Variants in DDAH1 observed in about 807,000 individuals in gnomAD.
The protein encoded by DDAH1 is dimethylarginine dimethylaminohydrolase 1.
In DDAH1, 19 loss-of-function variants were observed where a neutral mutation model predicts 28.8. The ratio of observed to expected loss-of-function variants is 0.66; its 90% CI spans 0.46 to 0.97. The LOEUF (loss-of-function observed/expected upper bound fraction) is 0.97. Among genes scored for constraint, DDAH1 ranks in the 50% least tolerant of loss-of-function variants. DDAH1 has a pLI of 0.00. For missense variants in DDAH1, 326 were observed against 375.9 expected (o/e 0.87, Z 1.10); for synonymous variants, 153 against 154.4 (o/e 0.99, Z 0.07).
chr1:85,464,504 G>C lies in DDAH1; in HGVS notation c.303+239C>G. The C allele has an allele frequency of 6.6e-7, 1 of 1,525,028 alleles. No individual in the cohort carries two copies. The highest frequency in any genetic ancestry group is 8.8e-7 in the Non-Finnish European group (1 of 1,140,538). The allele number at this position is 1,525,028 out of a possible 1,614,324, so 94.5% of individuals were successfully genotyped here. ...ATCCCCCGCCCACCCACCTGCCCGAGACCGTACAACCACATTGAATCGGAT... is the reference window on the plus strand; with the variant it reads ...ATCCCCCGCCCACCCACCTGCCCGACACCGTACAACCACATTGAATCGGAT... On this transcript the variant is annotated intron_variant, in intron 1 of 5. Coordinates refer to ENST00000284031, the MANE Select transcript of DDAH1 (RefSeq NM_012137.4). This position sits in a 1 kb window ranked among gnomAD's most constrained non-coding sequence, Gnocchi z 4.4.
chr1:85,475,028 C>G lies in DDAH1; in HGVS notation c.-7+21138G>C, dbSNP rs56099346. 6.2e-3 allele frequency among the ~76,000 whole-genome samples: 947 copies of G among 152,230 alleles called. 4 individuals are homozygous for G. Among genetic ancestry groups the G allele is most frequent in the African/African-American group, 0.022 (911 of 41,532 alleles). On this transcript the variant is annotated intron_variant, in intron 2 of 6. Coordinates refer to the DDAH1 transcript ENST00000426972. ...CAATCTTACATAGTTATTATGAGGA[C>G]TAAATTAAATTAACTTAGACAACAT...
At chr1:85,452,623 C>A (rs1207438842) in intron 1 of DDAH1, among the ~76,000 whole-genome samples, 5 of 151,814 alleles carry the variant, frequency 3.3e-5, no homozygotes, top group Non-Finnish European at 5.9e-5. Flanking sequence ...ACCATCTAGA[C>A]CTAGAGTAAA....
intron 1 of DDAH1, among the ~76,000 whole-genome samples, chr1:85,435,721 C>T (rs758178662): frequency 6.6e-6 from 1 of 152,114 alleles, no homozygotes; most frequent in Non-Finnish European, 1.5e-5. Flanking sequence ...GGGAGTTAGC[C>T]TAGAACAGAA....
intron 1 of DDAH1, among the ~76,000 whole-genome samples, chr1:85,507,710 C>G (rs1657070017): frequency 6.6e-6 from 1 of 152,100 alleles, no homozygotes; most frequent in Non-Finnish European, 1.5e-5. Context: ...TTTTATCAAG[C>G]TAAGAGTCCT....
At chr1:85,503,895 G>T (rs1656915930) in intron 1 of DDAH1, among the ~76,000 whole-genome samples, 1 of 152,126 alleles carries the variant, frequency 6.6e-6, no homozygotes, top group African/African-American at 2.4e-5. Flanking sequence ...CTTCAGTATT[G>T]CTGCAATGTA....
At chr1:85,468,893 G>A (rs193008762), upstream of DDAH1, among the ~76,000 whole-genome samples, 47 of 152,240 alleles carry the variant, frequency 3.1e-4, no homozygotes, top group East Asian at 3.5e-3. Context: ...GGAAAGACTC[G>A]TTACCATGAT....
At chr1:85,569,816 A>T (rs1463733606) in intron 1 of DDAH1, among the ~76,000 whole-genome samples, 1 of 152,198 alleles carries the variant, frequency 6.6e-6, no homozygotes, top group Non-Finnish European at 1.5e-5. Context: ...TGGTGATAAC[A>T]AGAAATGAAT....
chr1:85,351,538 G>A lies in DDAH1; in HGVS notation c.445C>T (p.Arg149Ter), dbSNP rs367921526. The A allele has an allele frequency of 1.2e-5, 19 of 1,613,878 alleles. No individual in the cohort carries two copies. The highest frequency in any genetic ancestry group is 4.0e-5 in the African/African-American group (3 of 74,884). ...FVGLSKRTNQ[R>*]GAEILADTFK... Reference sequence around the variant, plus strand: ...GTATCAGCCAAGATTTCAGCACCTCGTTGATTTGTCCTTTTGGAAAGGCCC... The same window carrying A: ...GTATCAGCCAAGATTTCAGCACCTCATTGATTTGTCCTTTTGGAAAGGCCC... Residue 149 changes from arginine to a stop codon, truncating the protein, a stop_gained, in exon 3 of 6, where the codon CGA (arginine) becomes TGA (stop). Coordinates refer to ENST00000284031, the MANE Select transcript of DDAH1 (RefSeq NM_012137.4). LOFTEE classifies it high-confidence loss of function.
At chr1:85,347,639 T>A (rs1648948923) in intron 4 of DDAH1, among the ~76,000 whole-genome samples, 1 of 152,016 alleles carries the variant, frequency 6.6e-6, no homozygotes, top group African/African-American at 2.4e-5. Flanking sequence ...GGTGGAGGGA[T>A]AGCATTGGGA....
At chr1:85,524,735 G>A (rs533261275) in intron 1 of DDAH1, among the ~76,000 whole-genome samples, 18 of 151,862 alleles carry the variant, frequency 1.2e-4, no homozygotes, top group African/African-American at 2.7e-4. Context: ...TACTGGTTGC[G>A]TAATGTATTG....
At chr1:85,415,865 T>G (rs1652865356) in intron 1 of DDAH1, among the ~76,000 whole-genome samples, 1 of 152,202 alleles carries the variant, frequency 6.6e-6, no homozygotes, top group African/African-American at 2.4e-5. Flanking sequence ...CTTTAAACTT[T>G]TCAGTTGTTT....
intron 1 of DDAH1, among the ~76,000 whole-genome samples, chr1:85,560,863 A>G (rs143493270): frequency 6.6e-4 from 101 of 152,202 alleles, no homozygotes; most frequent in African/African-American, 2.4e-3. Flanking sequence ...TATAAACATT[A>G]AGGTTTTTTT....
At chr1:85,489,548 A>C (rs551372495) in intron 2 of DDAH1, among the ~76,000 whole-genome samples, 1 of 152,292 alleles carries the variant, frequency 6.6e-6, no homozygotes, top group Middle Eastern at 3.4e-3. Context: ...GCAGGCAATT[A>C]ACAGAGGTTG....
At chr1:85,380,621 C>T (rs993435337) in intron 1 of DDAH1, 3 of 152,174 alleles carry the variant, frequency 2.0e-5, no homozygotes, top group African/African-American at 7.2e-5. Flanking sequence ...AACTGACTAG[C>T]ACAAGGTCTC....
At chr1:85,490,282 A>T (rs1209618463) in intron 2 of DDAH1, among the ~76,000 whole-genome samples, 1 of 152,226 alleles carries the variant, frequency 6.6e-6, no homozygotes, top group Non-Finnish European at 1.5e-5. Flanking sequence ...TAATCAAGGT[A>T]ACCTTGAATT....
chr1:85,510,655 A>G (rs1467443942), intron 1 of DDAH1, among the ~76,000 whole-genome samples: 2 of 152,230 alleles, frequency 1.3e-5, no homozygotes, highest in Admixed American at 6.5e-5. Flanking sequence ...ATGGAGGAAG[A>G]TCTACCAAGC....
chr1:85,556,428 G>A (rs1222812083), intron 1 of DDAH1, among the ~76,000 whole-genome samples: 2 of 152,128 alleles, frequency 1.3e-5, no homozygotes, highest in Non-Finnish European at 2.9e-5. Context: ...TCCTACATGC[G>A]GGTGAGAAAG....
intron 1 of DDAH1, among the ~76,000 whole-genome samples, chr1:85,463,710 A>G (rs1385676215): frequency 6.6e-6 from 1 of 152,248 alleles, no homozygotes; most frequent in Non-Finnish European, 1.5e-5. Flanking sequence ...GGCATTTCCA[A>G]TGTGAAGTGA....
Position 85,493,219 on chromosome 1 carries a change from C to T in DDAH1, c.-7+2947G>A, listed in dbSNP as rs573627991. Among the ~76,000 whole-genome samples the T allele has an allele frequency of 2.0e-5, 3 of 151,994 alleles. No individual in the cohort carries two copies. The South Asian group carries it at 6.2e-4, about 32-fold the overall frequency. Reference sequence around the variant, plus strand: ...TATAGGCCTCTAAAAGTATTGTGGGCCCCAGGTGCTATGCCTACCTTGCTT... The same window carrying T: ...TATAGGCCTCTAAAAGTATTGTGGGTCCCAGGTGCTATGCCTACCTTGCTT... On this transcript the variant is annotated intron_variant, in intron 2 of 6. Coordinates refer to the DDAH1 transcript ENST00000426972.
Sources: allele counts gnomAD v4.1 joint callset (sites outside exome capture counted in the v4.1 genomes callset), GRCh38; gene constraint gnomAD v4.1.1; non-coding constraint Gnocchi (gnomAD v3.1); transcripts MANE v1.5; gene names NCBI Gene and HGNC (gene_info 2026-07-23, HGNC 2026-07-21).